The following PUDP variants were observed in gnomAD, a reference collection of about 807,000 sequenced individuals.
PUDP encodes pseudouridine-5'-phosphatase.
Under a neutral mutation model 9.4 loss-of-function variants are expected in PUDP, and 8 were observed. The observed-to-expected ratio is 0.85, with a 90% CI of 0.50 to 1.53. The LOEUF (loss-of-function observed/expected upper bound fraction) is 1.53, where lower values mean the gene tolerates loss of function less well. Ranked by LOEUF, PUDP falls within the 40% of genes most tolerant of loss-of-function variation. PUDP has a pLI of 0.00. For missense variants in PUDP, 188 were observed against 189.7 expected, an observed-to-expected ratio of 0.99 and a Z score of 0.05; for synonymous variants, 99 against 80.7, an observed-to-expected ratio of 1.23 and a Z score of -1.22.
intron 1 of PUDP, among the ~76,000 whole-genome samples, chrX:6,987,020 G>A (rs1043442302): frequency 9.0e-6 from 1 of 111,554 alleles, no homozygotes; most frequent in Non-Finnish European, 1.9e-5. Flanking sequence ...CCATCCAGCC[G>A]AAATAAAAGT....
intron 2 of PUDP, among the ~76,000 whole-genome samples, chrX:6,977,525 T>C (rs183949130): frequency 8.9e-6 from 1 of 112,124 alleles, no homozygotes; most frequent in African/African-American, 3.2e-5. Flanking sequence ...ATGGAACAAA[T>C]TATTATTTTC....
intron 2 of PUDP, among the ~76,000 whole-genome samples, chrX:7,104,771 T>C (rs1931832177): frequency 8.9e-6 from 1 of 112,154 alleles, no homozygotes; most frequent in Non-Finnish European, 1.9e-5. Flanking sequence ...TTTGCATGTG[T>C]GTGTGTGCTG....
chrX:6,825,507 T>C (rs780570509), intron 3 of PUDP, among the ~76,000 whole-genome samples: 40 of 111,698 alleles, frequency 3.6e-4, no homozygotes, highest in African/African-American at 1.3e-3. Context: ...CCATGTATTC[T>C]GCTCCTTGGG....
At chrX:6,962,022 T>C (rs1928715628) in intron 3 of PUDP, among the ~76,000 whole-genome samples, 1 of 112,268 alleles carries the variant, frequency 8.9e-6, no homozygotes, top group Admixed American at 9.4e-5. Flanking sequence ...AATTCAAATA[T>C]GAAAAGGAAA....
At chrX:6,914,403 CCCTGGGAAGTGCTTCATT>C (rs1335907173) in intron 3 of PUDP, among the ~76,000 whole-genome samples, 15 of 111,288 alleles carry the variant, frequency 1.3e-4, no homozygotes, top group Non-Finnish European at 1.9e-5. Flanking sequence ...AATAGATTCG[CCCTGGGAAGTGCTTCATT>C]TCCTTTTCGC....
At chrX:6,793,462 C>A (rs1251495066) in intron 3 of PUDP, among the ~76,000 whole-genome samples, 1 of 111,641 alleles carries the variant, frequency 9.0e-6, no homozygotes, top group Non-Finnish European at 1.9e-5. Context: ...AATTAAGTTC[C>A]AACATTAATC....
intron 1 of PUDP, among the ~76,000 whole-genome samples, chrX:7,032,075 A>G (rs1390418453): frequency 3.6e-5 from 4 of 112,582 alleles, no homozygotes; most frequent in African/African-American, 9.7e-5. Context: ...AAATAAAAAA[A>G]CAAAAAATGA....
intron 3 of PUDP, among the ~76,000 whole-genome samples, chrX:6,740,246 C>A (rs1426770026): frequency 9.0e-6 from 1 of 111,420 alleles, no homozygotes; most frequent in East Asian, 2.8e-4. Context: ...TTTTATTTAT[C>A]TGGTATTTTA....
At chrX:7,123,657 T>C (rs1932403973) in intron 1 of PUDP, among the ~76,000 whole-genome samples, 1 of 111,498 alleles carries the variant, frequency 9.0e-6, no homozygotes, top group African/African-American at 3.3e-5. Flanking sequence ...TTAGACCAAA[T>C]GGTACAAAAG....
chrX:6,926,287 G>A (rs912696817), intron 3 of PUDP, among the ~76,000 whole-genome samples: 4 of 112,055 alleles, frequency 3.6e-5, no homozygotes, highest in African/African-American at 1.3e-4. Flanking sequence ...CACGAATTCC[G>A]CACCCGTAGC....
chrX:6,840,517 T>A (rs1926651651), intron 3 of PUDP, among the ~76,000 whole-genome samples: 1 of 112,362 alleles, frequency 8.9e-6, no homozygotes, highest in South Asian at 3.7e-4. Flanking sequence ...TACTATATGA[T>A]TTCAACTACA....
intron 3 of PUDP, among the ~76,000 whole-genome samples, chrX:6,882,683 G>A (rs1927366298): frequency 9.0e-6 from 1 of 111,438 alleles, no homozygotes; most frequent in Non-Finnish European, 1.9e-5. Flanking sequence ...GAAAGACAAC[G>A]ACTATATCAG....
intron 1 of PUDP, among the ~76,000 whole-genome samples, chrX:7,003,904 T>C (rs1929364689): frequency 1.8e-5 from 2 of 111,598 alleles, no homozygotes; most frequent in Admixed American, 1.9e-4. Flanking sequence ...TGAGATAGGG[T>C]CTCACTCTGT....
At chrX:6,933,982 T>A (rs1182459462) in intron 3 of PUDP, among the ~76,000 whole-genome samples, 3 of 102,985 alleles carry the variant, frequency 2.9e-5, no homozygotes, top group Non-Finnish European at 5.9e-5. Context: ...TGGGACTATG[T>A]GAAAAGACCA....
At chrX:6,975,815 C>A (rs991547847) in intron 3 of PUDP, among the ~76,000 whole-genome samples, 1 of 112,191 alleles carries the variant, frequency 8.9e-6, no homozygotes, top group African/African-American at 3.2e-5. Context: ...CCGCCCCTTC[C>A]CCCAGGTGCT....
chrX:6,724,499 T>TC (rs1291705840), upstream of PUDP, among the ~76,000 whole-genome samples: 4 of 23,235 alleles, frequency 1.7e-4, no homozygotes, highest in Non-Finnish European at 3.1e-4. Context: ...TCATTCTCTC[T>TC]CCAAAAAAAA....
intron 3 of PUDP, among the ~76,000 whole-genome samples, chrX:7,059,215 C>T (rs1051327380): frequency 9.0e-6 from 1 of 111,191 alleles, no homozygotes; most frequent in Non-Finnish European, 1.9e-5. Flanking sequence ...AAGTACATTA[C>T]GGGCACTCTT....
At chrX:7,120,078 AC>A (rs201189834) in intron 1 of PUDP, among the ~76,000 whole-genome samples, 4,658 of 111,798 alleles carry the variant, frequency 0.042, 230 homozygotes, top group African/African-American at 0.14. Flanking sequence ...ACACACAGAC[AC>A]CCAAAGGACT....
chrX:6,891,884 C>T (rs191699703), intron 3 of PUDP, among the ~76,000 whole-genome samples: 179 of 111,706 alleles, frequency 1.6e-3, no homozygotes, highest in Non-Finnish European at 2.9e-3. Context: ...ATAAACTAAC[C>T]GAGTCAACTT....
Sources: gnomAD v4.1 joint callset for allele counts (sites outside exome capture counted in the v4.1 genomes callset) on GRCh38, gnomAD v4.1.1 for gene constraint, MANE v1.5 for transcripts, NCBI Gene and HGNC (gene_info 2026-07-23, HGNC 2026-07-21) for gene names.